The following ABLIM1 variants were observed in gnomAD, a reference collection of about 807,000 sequenced individuals.
ABLIM1 encodes the protein actin binding LIM protein 1.
A neutral mutation model predicts 107.0 loss-of-function variants in ABLIM1; 40 were observed. The observed-to-expected ratio is 0.37, with a 90% CI of 0.29 to 0.49. The LOEUF is 0.49. ABLIM1 is among the 20% of genes least tolerant of loss of function. ABLIM1 has a pLI of 0.97. For synonymous variants in ABLIM1, 357 were observed against 357.3 expected (o/e 1.00, Z 0.01); for missense variants, 857 against 1,008.5 (o/e 0.85, Z 2.04).
At chr10:114,618,437 T>C (rs1263364611) in intron 1 of ABLIM1, among the ~76,000 whole-genome samples, 3 of 152,180 alleles carry the variant, frequency 2.0e-5, no homozygotes, top group Non-Finnish European at 2.9e-5. Flanking sequence ...GGAGAGAAAA[T>C]TGGGTGTTCT....
At chr10:114,782,039 G>A in the ABLIM1 span, among the ~76,000 whole-genome samples, 3 of 152,008 alleles carry the variant, frequency 2.0e-5, no homozygotes, top group Admixed American at 2.0e-4. Flanking sequence ...ATAAAAACTA[G>A]GGATGTTCTG....
At chr10:114,544,958 G>A (rs747448115) in intron 6 of ABLIM1, 47 bp downstream of exon 6, 23 of 1,567,524 alleles carry the variant, frequency 1.5e-5, no homozygotes, top group Middle Eastern at 1.7e-4. Context: ...TCTGAGGGCC[G>A]CTGAGAAAGA....
intron 4 of ABLIM1, among the ~76,000 whole-genome samples, chr10:114,559,033 C>T (rs1293141469): frequency 6.6e-6 from 1 of 151,776 alleles, no homozygotes; most frequent in African/African-American, 2.4e-5. Flanking sequence ...TCAAAATGAC[C>T]AGGTAACAAT....
intron 6 of ABLIM1, among the ~76,000 whole-genome samples, chr10:114,499,510 T>G (rs1590504936): frequency 6.6e-6 from 1 of 152,250 alleles, no homozygotes; most frequent in Non-Finnish European, 1.5e-5. Context: ...TAGAGGCTGG[T>G]GGGTTGCTTT....
intron 6 of ABLIM1, among the ~76,000 whole-genome samples, chr10:114,544,707 C>T (rs1388167897): frequency 6.6e-6 from 1 of 152,162 alleles, no homozygotes; most frequent in African/African-American, 2.4e-5. Context: ...TTTTCATTTA[C>T]TCTTGTCTAA....
intron 2 of ABLIM1, among the ~76,000 whole-genome samples, chr10:114,583,468 C>CATATATATATATATATACAT (rs2073824307): frequency 8.6e-4 from 13 of 15,088 alleles, no homozygotes; most frequent in South Asian, 3.1e-3. Context: ...CACACACACA[C>CATATATATATATATATACAT]ATATATATAT....
chr10:114,566,389 C>T (rs1300436563), intron 4 of ABLIM1, among the ~76,000 whole-genome samples: 1 of 152,178 alleles, frequency 6.6e-6, no homozygotes, highest in Non-Finnish European at 1.5e-5. Context: ...ATTCCCTACA[C>T]TCTCAGTTGC....
At chr10:114,640,196 A>T (rs1416564614) in intron 1 of ABLIM1, among the ~76,000 whole-genome samples, 1 of 152,210 alleles carries the variant, frequency 6.6e-6, no homozygotes, top group East Asian at 1.9e-4. Flanking sequence ...AAGGTAGAGA[A>T]CATTGGTAAA....
At chr10:114,693,374 T>A (rs946008410) in intron 1 of ABLIM1, among the ~76,000 whole-genome samples, 11 of 44,096 alleles carry the variant, frequency 2.5e-4, no homozygotes, top group African/African-American at 5.4e-4. Flanking sequence ...TGAAGGCCTG[T>A]GAGTGTAAGT....
intron 6 of ABLIM1, among the ~76,000 whole-genome samples, chr10:114,515,441 A>T (rs2062662208): frequency 6.6e-6 from 1 of 152,232 alleles, no homozygotes; most frequent in Non-Finnish European, 1.5e-5. Flanking sequence ...CCTGAGCTGC[A>T]GCCTTATGCT....
chr10:114,524,362 T>C (rs1289896947), intron 6 of ABLIM1, among the ~76,000 whole-genome samples: 1 of 152,192 alleles, frequency 6.6e-6, no homozygotes, highest in Non-Finnish European at 1.5e-5. Flanking sequence ...ATCCCAGCCA[T>C]TGACTTCATC....
chr10:114,748,477 G>C (rs2082432700), intron 1 of ABLIM1, among the ~76,000 whole-genome samples: 1 of 151,810 alleles, frequency 6.6e-6, no homozygotes, highest in Admixed American at 6.6e-5. Context: ...ATATAGCCCT[G>C]AGTCTTCAGA....
At chr10:114,481,683 C>A (rs1340686559) in intron 8 of ABLIM1, among the ~76,000 whole-genome samples, 1 of 152,196 alleles carries the variant, frequency 6.6e-6, no homozygotes, top group African/African-American at 2.4e-5. Context: ...GGGACAGTTT[C>A]ACAAATGCCA....
chr10:114,792,861 G>GTAA, the ABLIM1 span, among the ~76,000 whole-genome samples: 5 of 152,164 alleles, frequency 3.3e-5, no homozygotes, highest in African/African-American at 1.2e-4. Context: ...ATGTTGAAAT[G>GTAA]TAATCCCCAG....
chr10:114,545,129 G>A (rs770622086), intron 5 of ABLIM1, 31 bp from the exon 6 acceptor site: 1 of 1,606,492 alleles, frequency 6.2e-7, no homozygotes, highest in East Asian at 2.2e-5. Flanking sequence ...CGGCTCCTGA[G>A]GAGGTGGCCA....
intron 1 of ABLIM1, among the ~76,000 whole-genome samples, chr10:114,718,356 C>T (rs528989904): frequency 1.3e-5 from 2 of 152,258 alleles, no homozygotes; most frequent in East Asian, 1.9e-4. Flanking sequence ...CCCACACACA[C>T]GTTTTCTCTA....
chr10:114,743,391 C>T (rs982780227), intron 1 of ABLIM1, among the ~76,000 whole-genome samples: 7 of 152,270 alleles, frequency 4.6e-5, no homozygotes, highest in African/African-American at 1.2e-4. Context: ...ACTAGTAGAA[C>T]CACTTGTACT....
chr10:114,702,383 T>C (rs1467388902), intron 1 of ABLIM1, among the ~76,000 whole-genome samples: 1 of 152,168 alleles, frequency 6.6e-6, no homozygotes, highest in African/African-American at 2.4e-5. Context: ...AAGATCAACT[T>C]GAGAATAAGA....
intron 8 of ABLIM1, among the ~76,000 whole-genome samples, chr10:114,486,949 A>G (rs566209111): frequency 6.6e-6 from 1 of 152,338 alleles, no homozygotes; most frequent in Admixed American, 6.5e-5. Context: ...CTAGGAAAAT[A>G]AGAGCTGTAA....
Sources: allele counts gnomAD v4.1 joint callset (sites outside exome capture counted in the v4.1 genomes callset), GRCh38; gene constraint gnomAD v4.1.1; transcripts MANE v1.5; gene names NCBI Gene and HGNC (gene_info 2026-07-23, HGNC 2026-07-21).